The following SCHIP1 variants were observed in gnomAD, a reference collection of about 807,000 sequenced individuals.
SCHIP1 encodes the protein schwannomin interacting protein 1.
A neutral mutation model predicts 29.7 loss-of-function variants in SCHIP1; 8 were observed. That is an observed-to-expected ratio of 0.27 (90% CI 0.16 to 0.49). SCHIP1 has a LOEUF of 0.49. SCHIP1 is among the 20% of genes least tolerant of loss of function. The pLI, the probability that SCHIP1 is intolerant of heterozygous loss-of-function variation, is 0.99. For missense variants in SCHIP1, 193 were observed against 294.6 expected (o/e 0.66, Z 2.52); for synonymous variants, 76 against 94.9 (o/e 0.80, Z 1.16).
the SCHIP1 span, among the ~76,000 whole-genome samples, chr3:159,537,131 A>G: frequency 2.0e-5 from 3 of 152,190 alleles, no homozygotes; most frequent in African/African-American, 7.2e-5. Context: ...GATATTAGGC[A>G]GCTATAAACC....
the SCHIP1 span, among the ~76,000 whole-genome samples, chr3:159,775,971 G>A: frequency 6.6e-6 from 1 of 152,182 alleles, no homozygotes; most frequent in Admixed American, 6.5e-5. Context: ...ATGCCAGGGT[G>A]TTTTTAATGT....
intron 1 of SCHIP1, among the ~76,000 whole-genome samples, chr3:159,843,158 G>T (rs1467469556): frequency 6.6e-6 from 1 of 150,600 alleles, no homozygotes; most frequent in Non-Finnish European, 1.5e-5. Context: ...GATTACAGGC[G>T]CCCGCCACCA....
the SCHIP1 span, among the ~76,000 whole-genome samples, chr3:159,440,071 G>A: frequency 1.3e-5 from 2 of 152,112 alleles, no homozygotes; most frequent in African/African-American, 2.4e-5. Context: ...TCTTAAGTTG[G>A]TTTTGCATAT....
At chr3:159,751,759 G>C in the SCHIP1 span, among the ~76,000 whole-genome samples, 1 of 151,990 alleles carries the variant, frequency 6.6e-6, no homozygotes. Context: ...TGTTAGCCAG[G>C]ATGGTCTCGA....
the SCHIP1 span, among the ~76,000 whole-genome samples, chr3:159,682,885 C>A: frequency 2.6e-5 from 4 of 152,236 alleles, no homozygotes; most frequent in Non-Finnish European, 4.4e-5. Flanking sequence ...AAACTTTTAA[C>A]CGTGACCTTG....
chr3:159,282,919 T>C, the SCHIP1 span, among the ~76,000 whole-genome samples: 1 of 151,760 alleles, frequency 6.6e-6, no homozygotes, highest in Non-Finnish European at 1.5e-5. Context: ...TGTTCTTGGA[T>C]GGTCAGACTC....
At chr3:159,892,597 G>A (rs916789886) in intron 6 of SCHIP1, 7 of 267,574 alleles carry the variant, frequency 2.6e-5, no homozygotes, top group East Asian at 7.5e-5. Context: ...GTTCTTGATC[G>A]CCTCTGCCAT....
At chr3:159,340,421 AT>A in the SCHIP1 span, among the ~76,000 whole-genome samples, 3 of 152,092 alleles carry the variant, frequency 2.0e-5, no homozygotes, top group Admixed American at 6.6e-5. Flanking sequence ...TATACTACAT[AT>A]AATTATGATT....
chr3:159,655,095 TTTATTTG>T, the SCHIP1 span, among the ~76,000 whole-genome samples: 1 of 152,320 alleles, frequency 6.6e-6, no homozygotes, highest in Admixed American at 6.5e-5. Flanking sequence ...AGCTCTACCA[TTTATTTG>T]TTGTATGACC....
At chr3:159,522,726 G>A in the SCHIP1 span, among the ~76,000 whole-genome samples, 1 of 152,096 alleles carries the variant, frequency 6.6e-6, no homozygotes, top group African/African-American at 2.4e-5. Flanking sequence ...AAAATTAGCC[G>A]GGCGTGGTGG....
At chr3:159,461,012 TCGTG>T in the SCHIP1 span, among the ~76,000 whole-genome samples, 1 of 152,096 alleles carries the variant, frequency 6.6e-6, no homozygotes, top group African/African-American at 2.4e-5. Context: ...TTCAGGAAGT[TCGTG>T]GAACTTGAGG....
At chr3:159,319,011 A>G in the SCHIP1 span, among the ~76,000 whole-genome samples, 1 of 152,208 alleles carries the variant, frequency 6.6e-6, no homozygotes, top group Non-Finnish European at 1.5e-5. Context: ...ATTAATCTAT[A>G]GGAGCCTGCC....
chr3:159,565,226 CTTACT>C, the SCHIP1 span, among the ~76,000 whole-genome samples: 2 of 152,162 alleles, frequency 1.3e-5, no homozygotes, highest in Admixed American at 6.6e-5. Context: ...GTTAGCATAG[CTTACT>C]TTATCTCATT....
the SCHIP1 span, among the ~76,000 whole-genome samples, chr3:159,620,615 C>T: frequency 3.3e-5 from 5 of 152,226 alleles, no homozygotes; most frequent in South Asian, 4.1e-4. Context: ...AAATAATACA[C>T]TTTGCAGAAC....
chr3:159,465,292 C>G, the SCHIP1 span, among the ~76,000 whole-genome samples: 2 of 150,834 alleles, frequency 1.3e-5, no homozygotes, highest in African/African-American at 4.9e-5. Flanking sequence ...TCTTGTTCTA[C>G]ATTCCTAGCT....
chr3:159,402,352 G>C, the SCHIP1 span, among the ~76,000 whole-genome samples: 4 of 152,264 alleles, frequency 2.6e-5, no homozygotes, highest in South Asian at 2.1e-4. Flanking sequence ...ACTAGTTCAA[G>C]CATTGTGGAA....
At chr3:159,403,367 T>C in the SCHIP1 span, among the ~76,000 whole-genome samples, 2 of 152,158 alleles carry the variant, frequency 1.3e-5, no homozygotes, top group African/African-American at 2.4e-5. Context: ...TTTAACATCA[T>C]GTCAGGTAAA....
At chr3:159,404,754 C>T in the SCHIP1 span, among the ~76,000 whole-genome samples, 3 of 152,190 alleles carry the variant, frequency 2.0e-5, no homozygotes, top group Non-Finnish European at 4.4e-5. Flanking sequence ...GGCTTTGCCA[C>T]CTGCTGATTG....
chr3:159,595,388 G>C, the SCHIP1 span, among the ~76,000 whole-genome samples: 2,369 of 152,208 alleles, frequency 0.016, 63 homozygotes, highest in African/African-American at 0.053. Context: ...GGAAGGGAAG[G>C]GGAGGTGGGG....
Sources: gnomAD v4.1 joint callset for allele counts (sites outside exome capture counted in the v4.1 genomes callset) on GRCh38, gnomAD v4.1.1 for gene constraint, MANE v1.5 for transcripts, NCBI Gene and HGNC (gene_info 2026-07-23, HGNC 2026-07-21) for gene names.